GNAI3: variants seen among roughly 807,000 people sequenced by gnomAD.
GNAI3 encodes G protein subunit alpha i3.
A neutral mutation model predicts 41.8 loss-of-function variants in GNAI3; 12 were observed. The observed-to-expected ratio is 0.29, with a 90% CI of 0.18 to 0.47. The LOEUF is 0.47. Among genes scored for constraint, GNAI3 ranks in the 20% least tolerant of loss-of-function variants. The probability of loss-of-function intolerance (pLI) is 1.00; values close to 1 mark genes in which losing one functional copy is unlikely to be tolerated. For synonymous variants in GNAI3, 132 were observed against 146.5 expected (o/e 0.90, Z 0.71); for missense variants, 360 against 429.6 (o/e 0.84, Z 1.43).
At chr1:109,565,944 C>T (rs1648442864) in intron 1 of GNAI3, among the ~76,000 whole-genome samples, 1 of 152,118 alleles carries the variant, frequency 6.6e-6, no homozygotes, top group South Asian at 2.1e-4. Flanking sequence ...ATCAAGAAAA[C>T]CAGTTAGCAG....
chr1:109,554,079 GGTGTGTGTGT>G (rs34209492), intron 1 of GNAI3, among the ~76,000 whole-genome samples: 1 of 150,182 alleles, frequency 6.7e-6, no homozygotes, highest in Non-Finnish European at 1.5e-5. Context: ...GGTGTAGAGG[GGTGTGTGTGT>G]GTGTGTGTGT....
At chr1:109,563,032 A>G (rs1205764284) in intron 1 of GNAI3, among the ~76,000 whole-genome samples, 4 of 152,204 alleles carry the variant, frequency 2.6e-5, no homozygotes, top group African/African-American at 9.6e-5. Context: ...ACGTAATTTA[A>G]TGTTAGCATC....
Position 109,572,797 on chromosome 1 carries a change from A to G in GNAI3, c.119-940A>G, listed in dbSNP as rs1428430004. 2.6e-5 allele frequency among the ~76,000 whole-genome samples: 4 copies of G among 152,296 alleles called. No individual in the cohort carries two copies. In the East Asian group the frequency reaches 7.7e-4, roughly 29 times the overall value. On this transcript the variant is annotated intron_variant, in intron 1 of 8. Coordinates refer to ENST00000369851, the MANE Select transcript of GNAI3 (RefSeq NM_006496.4). The stretch of plus-strand genomic sequence containing the variant: ...AAAGAAAAAACTGATCATATTTGAG[A>G]TGTGGAAAATATCATGGGAAATTGC...
Position 109,592,418 on chromosome 1 carries a change from C to T in GNAI3, c.*96C>T, listed in dbSNP as rs1321235844. On this transcript the variant is annotated 3_prime_UTR_variant, in exon 9 of 9. Coordinates refer to ENST00000369851, the MANE Select transcript of GNAI3 (RefSeq NM_006496.4). ...GGGCAGCTACAAGCATGAACGGGACCAGGGAATGGCAGCAGCATGCAGAAT... is the reference window on the plus strand; with the variant it reads ...GGGCAGCTACAAGCATGAACGGGACTAGGGAATGGCAGCAGCATGCAGAAT... 2.1e-6 allele frequency: 1 copy of T among 473,812 alleles called. No individual in the cohort carries two copies. The highest frequency in any genetic ancestry group is 3.8e-6 in the Non-Finnish European group (1 of 261,768). The allele number at this position is 473,812 out of a possible 1,614,324, so 29.4% of individuals were successfully genotyped here. A position where few individuals can be genotyped will look rare whatever the true frequency, so the allele number is the denominator to read the frequency against.
intron 1 of GNAI3, among the ~76,000 whole-genome samples, chr1:109,567,653 A>C (rs1383021250): frequency 6.6e-6 from 1 of 152,206 alleles, no homozygotes; most frequent in Non-Finnish European, 1.5e-5. Flanking sequence ...TAGTTACACC[A>C]TTTTTACTGG....
rs144431312 is a variant in GNAI3 at position 109,548,665 on chromosome 1, C to G, written c.-56C>G. On this transcript the variant is annotated 5_prime_UTR_variant, in exon 1 of 9. Coordinates refer to ENST00000369851, the MANE Select transcript of GNAI3 (RefSeq NM_006496.4). The stretch of plus-strand genomic sequence containing the variant: ...TAGACGGTGCCTCAGCCTGCCGAGC[C>G]GCAGTTTCCGTGGTGTGAGTGAGTC... 5.5e-6 allele frequency: 7 copies of G among 1,268,372 alleles called. No homozygotes were observed. In the South Asian group the frequency reaches 6.1e-5, roughly 11 times the overall value. 78.6% of individuals were successfully genotyped at this position (1,268,372 alleles called of 1,614,324 possible). A position where few individuals can be genotyped will look rare whatever the true frequency, so the allele number is the denominator to read the frequency against.
intron 5 of GNAI3, among the ~76,000 whole-genome samples, chr1:109,585,399 T>G (rs1257734251): frequency 6.6e-6 from 1 of 152,246 alleles, no homozygotes; most frequent in Non-Finnish European, 1.5e-5. Flanking sequence ...TTGTGAACAG[T>G]TGAGACTTTA....
chr1:109,552,846 T>C (rs1163973452), intron 1 of GNAI3, among the ~76,000 whole-genome samples: 1 of 152,166 alleles, frequency 6.6e-6, no homozygotes, highest in Non-Finnish European at 1.5e-5. Context: ...TGGGAAGCAC[T>C]GGTATAATGG....
chr1:109,559,258 TC>T (rs902626931), intron 1 of GNAI3, among the ~76,000 whole-genome samples: 23 of 152,290 alleles, frequency 1.5e-4, no homozygotes, highest in African/African-American at 4.8e-4. Flanking sequence ...TTACTGAAGT[TC>T]ATTTTTAAAA....
intron 3 of GNAI3, among the ~76,000 whole-genome samples, chr1:109,576,073 T>G (rs1648733492): frequency 6.6e-6 from 1 of 152,130 alleles, no homozygotes; most frequent in Non-Finnish European, 1.5e-5. Flanking sequence ...GTATTTTTGT[T>G]TGTTTGTTTT....
intron 7 of GNAI3, among the ~76,000 whole-genome samples, chr1:109,589,162 A>G (rs1649109519): frequency 6.6e-6 from 1 of 152,244 alleles, no homozygotes; most frequent in African/African-American, 2.4e-5. Flanking sequence ...ATAATATTAT[A>G]GAATGAGGAG....
Position 109,586,494 on chromosome 1 carries a change from A to C in GNAI3, c.720+149A>C, listed in dbSNP as rs756695553. 1.2e-5 allele frequency: 10 copies of C among 825,884 alleles called. 1 individual carries two copies. The highest frequency in any genetic ancestry group is 1.7e-5 in the Non-Finnish European group (9 of 530,698). The allele number at this position is 825,884 out of a possible 1,614,324, so 51.2% of individuals were successfully genotyped here. On this transcript the variant is annotated intron_variant, in intron 6 of 8. Transcript: ENST00000369851. ...GATCTGTGCCCTATTACTCTAAAAA[A>C]GATGTTATAGCCACCTTGAGTATGT...
chr1:109,558,359 G>A (rs1049211328), intron 1 of GNAI3, among the ~76,000 whole-genome samples: 3 of 152,124 alleles, frequency 2.0e-5, no homozygotes, highest in Non-Finnish European at 4.4e-5. Context: ...GGAGGCGGAC[G>A]TTGCAGTCAG....
intron 3 of GNAI3, among the ~76,000 whole-genome samples, chr1:109,577,284 T>G (rs899116085): frequency 2.0e-5 from 3 of 150,964 alleles, no homozygotes; most frequent in African/African-American, 4.9e-5. Flanking sequence ...TTTTGTTTTT[T>G]TTTTTTTTTT....
At chr1:109,572,607 G>T (rs1648634376) in intron 1 of GNAI3, among the ~76,000 whole-genome samples, 1 of 152,156 alleles carries the variant, frequency 6.6e-6, no homozygotes, top group Non-Finnish European at 1.5e-5. Context: ...ACTGAGTATA[G>T]ATGGCACATT....
intron 1 of GNAI3, among the ~76,000 whole-genome samples, chr1:109,555,128 A>G (rs1022881833): frequency 2.6e-5 from 4 of 152,212 alleles, no homozygotes; most frequent in African/African-American, 2.4e-5. Flanking sequence ...TACAAATTCA[A>G]TGCAATTCCC....
chr1:109,587,845 T>C (rs1242618390), intron 7 of GNAI3, among the ~76,000 whole-genome samples: 1 of 152,094 alleles, frequency 6.6e-6, no homozygotes, highest in Non-Finnish European at 1.5e-5. Flanking sequence ...AGGATGGAAA[T>C]AAAAACTTTT....
chr1:109,592,145 C>T lies in GNAI3; in HGVS notation c.977C>T (p.Ala326Val). The T allele has an allele frequency of 1.2e-6, 2 of 1,611,844 alleles. No individual in the cohort carries two copies. The highest frequency in any genetic ancestry group is 2.7e-5 in the African/African-American group (2 of 74,990). ...GAGATCTATACTCACTTCACCTGTG[C>T]CACAGACACGAAGAATGTGCAGTTT... ...TKEIYTHFTC[A>V]TDTKNVQFVF... Residue 326 changes from alanine (A) to valine (V), a missense_variant, in exon 8 of 9, where the codon GCC becomes GTC. Transcript: ENST00000369851.
At position 109,582,374 on chromosome 1, in the gene GNAI3, C is replaced by G. The variant is rs1648917289; in HGVS notation, c.462-63C>G. On this transcript the variant is annotated intron_variant, in intron 4 of 8. Coordinates refer to ENST00000369851, the MANE Select transcript of GNAI3 (RefSeq NM_006496.4). ...GGTTTAAAATAGGAACTAATTTAGT[C>G]TGTTCATTTGCTATGCACATGGTTG... 22 of 1,313,818 alleles carry G rather than the reference C, an allele frequency of 1.7e-5. 1 individual carries two copies. In the South Asian group the frequency reaches 2.7e-4, roughly 16 times the overall value. The allele number at this position is 1,313,818 out of a possible 1,614,324, so 81.4% of individuals were successfully genotyped here.
Sources: gnomAD v4.1 joint callset for allele counts (sites outside exome capture counted in the v4.1 genomes callset) on GRCh38, gnomAD v4.1.1 for gene constraint, MANE v1.5 for transcripts, NCBI Gene and HGNC (gene_info 2026-07-23, HGNC 2026-07-21) for gene names.